Variants in ESCO1 observed in about 807,000 individuals in gnomAD.
The protein encoded by ESCO1 is establishment of sister chromatid cohesion N-acetyltransferase 1.
Under a neutral mutation model 83.5 loss-of-function variants are expected in ESCO1, and 33 were observed. That is an observed-to-expected ratio of 0.40 (90% CI 0.30 to 0.53). The LOEUF is 0.53. Ranked by LOEUF, ESCO1 falls within the 20% of genes least tolerant of loss-of-function variation. The probability of loss-of-function intolerance (pLI) is 0.63; values close to 1 mark genes in which losing one functional copy is unlikely to be tolerated. For synonymous variants in ESCO1, 332 were observed against 324.3 expected (o/e 1.02, Z -0.25); for missense variants, 855 against 968.0 (o/e 0.88, Z 1.55).
chr18:21,579,786 G>GCGCGCA (rs1414600536), intron 2 of ESCO1, among the ~76,000 whole-genome samples: 1 of 25,744 alleles, frequency 3.9e-5, no homozygotes, highest in African/African-American at 7.9e-5. Context: ...ACACACACAC[G>GCGCGCA]CGCGCGCGCA....
At chr18:21,553,082 G>A (rs1286179973) in intron 8 of ESCO1, among the ~76,000 whole-genome samples, 1 of 152,164 alleles carries the variant, frequency 6.6e-6, no homozygotes, top group East Asian at 1.9e-4. Flanking sequence ...TTGAGCTCAG[G>A]AGTTTGTGAC....
chr18:21,553,944 A>G (rs182701939), intron 8 of ESCO1, among the ~76,000 whole-genome samples: 1 of 151,980 alleles, frequency 6.6e-6, no homozygotes, highest in Non-Finnish European at 1.5e-5. Context: ...ATAAGAAAAC[A>G]GCCTGATTGA....
intron 1 of ESCO1, among the ~76,000 whole-genome samples, chr18:21,593,747 C>G (rs1229378558): frequency 6.6e-6 from 1 of 151,714 alleles, no homozygotes; most frequent in Non-Finnish European, 1.5e-5. Flanking sequence ...AAATCTGAGT[C>G]TAGTGGCTTG....
intron 1 of ESCO1, among the ~76,000 whole-genome samples, chr18:21,588,895 A>T (rs2038620737): frequency 6.6e-6 from 1 of 151,956 alleles, no homozygotes; most frequent in Admixed American, 6.6e-5. Context: ...TGTGTCAAAT[A>T]AATAAATAAA....
chr18:21,590,226 CT>C (rs1182731940), intron 1 of ESCO1, among the ~76,000 whole-genome samples: 275 of 143,256 alleles, frequency 1.9e-3, no homozygotes, highest in Middle Eastern at 3.7e-3. Flanking sequence ...AACCCTTTTT[CT>C]TTTTTTTTTT....
intron 1 of ESCO1, among the ~76,000 whole-genome samples, chr18:21,594,320 G>A (rs921827266): frequency 6.6e-6 from 1 of 152,208 alleles, no homozygotes; most frequent in African/African-American, 2.4e-5. Flanking sequence ...GTAAGAGCTG[G>A]TGAATTGTTC....
At chr18:21,560,825 T>A (rs770896618) in intron 8 of ESCO1, 34 bp downstream of exon 8, 1 of 1,590,778 alleles carries the variant, frequency 6.3e-7, no homozygotes, top group South Asian at 1.2e-5. Context: ...AATTATCTGA[T>A]TTTTGCATTT....
intron 2 of ESCO1, among the ~76,000 whole-genome samples, chr18:21,578,858 T>C (rs1488293483): frequency 6.6e-6 from 1 of 151,820 alleles, no homozygotes; most frequent in Non-Finnish European, 1.5e-5. Flanking sequence ...CCACCACGCC[T>C]GGCTATTTTT....
Position 21,574,486 on chromosome 18 carries a change from G to A in ESCO1, c.358C>T (p.Arg120Trp), listed in dbSNP as rs746057312. 96 of 1,614,020 alleles carry A rather than the reference G, an allele frequency of 5.9e-5. No individual in the cohort carries two copies. The highest frequency in any genetic ancestry group is 1.5e-4 in the South Asian group (14 of 91,062). The change falls in exon 4 of 12, where the codon CGG becomes TGG. Residue 120 changes from arginine (R) to tryptophan (W), a missense_variant. Arg to Trp is a moderately radical substitution (Grantham distance 101, BLOSUM62 -3). Coordinates refer to ENST00000269214, the MANE Select transcript of ESCO1 (RefSeq NM_052911.3). ...ENPKANEQLNRRSQRLQQLTE... is the reference protein window; with the variant it reads ...ENPKANEQLNWRSQRLQQLTE... ...AATTGTTGTAGCCTTTGTGATCTCC[G>A]GTTAAGCTGTTCATTTGCTTTAGGG...
chr18:21,591,177 T>A (rs1286522286), intron 1 of ESCO1, among the ~76,000 whole-genome samples: 1 of 152,146 alleles, frequency 6.6e-6, no homozygotes, highest in East Asian at 1.9e-4. Flanking sequence ...CTAAATCCAA[T>A]AACAAATATC....
chr18:21,559,723 C>A (rs2038158580), intron 8 of ESCO1, among the ~76,000 whole-genome samples: 1 of 152,066 alleles, frequency 6.6e-6, no homozygotes, highest in Admixed American at 6.6e-5. Context: ...TTAACATAGT[C>A]AAATTGAAAA....
chr18:21,559,475 T>C (rs988068089), intron 8 of ESCO1, among the ~76,000 whole-genome samples: 1 of 152,242 alleles, frequency 6.6e-6, no homozygotes, highest in Non-Finnish European at 1.5e-5. Flanking sequence ...ACTTTTCCTC[T>C]CAGAAATTAA....
At chr18:21,549,241 T>C (rs1319806020) in intron 8 of ESCO1, among the ~76,000 whole-genome samples, 1 of 152,202 alleles carries the variant, frequency 6.6e-6, no homozygotes, top group Admixed American at 6.5e-5. Flanking sequence ...GCTTTGAACC[T>C]GAATATGGTA....
chr18:21,561,047 A>C lies in ESCO1; in HGVS notation c.1822-57T>G. 4 of 1,536,454 alleles carry C rather than the reference A, an allele frequency of 2.6e-6. No homozygotes were observed. The South Asian group carries it at 5.1e-5, about 20-fold the overall frequency. ...CCTCCCAAAAGAATTATTTCAGAAT[A>C]TCAGCCTCTAAGGCTATAGTGTGAG... On this transcript the variant is annotated intron_variant, in intron 7 of 11. Coordinates refer to ENST00000269214, the MANE Select transcript of ESCO1 (RefSeq NM_052911.3).
intron 8 of ESCO1, among the ~76,000 whole-genome samples, chr18:21,543,892 G>A (rs2146178289): frequency 6.6e-6 from 1 of 152,166 alleles, no homozygotes; most frequent in East Asian, 1.9e-4. Flanking sequence ...GGGAAGCTTT[G>A]AACTCTGATA....
In ESCO1 at chr18:21,560,951, C is replaced by T; in HGVS notation, c.1861G>A (p.Val621Ile). Residue 621 changes from valine (V) to isoleucine (I), a missense_variant, in exon 8 of 12, where the codon GTT (valine) becomes ATT (isoleucine). Transcript: ENST00000269214. ...GAAGCTGTATACAGCATTCCACAAA[C>T]ATTACAAGAAACTGCTCCAAATCTT... ...QKRFGAVSCN[V>I]CGMLYTASNP... The T allele has an allele frequency of 2.5e-6, 4 of 1,601,382 alleles. No homozygotes were observed. Among genetic ancestry groups the T allele is most frequent in the Non-Finnish European group, 3.4e-6 (4 of 1,175,562 alleles).
At chr18:21,543,277 C>A (rs1257134593) in intron 8 of ESCO1, among the ~76,000 whole-genome samples, 1 of 152,190 alleles carries the variant, frequency 6.6e-6, no homozygotes, top group Non-Finnish European at 1.5e-5. Context: ...GCCTCAGCCT[C>A]CCGAGTAGTT....
At chr18:21,543,207 T>C (rs757915714) in intron 8 of ESCO1, among the ~76,000 whole-genome samples, 3 of 152,160 alleles carry the variant, frequency 2.0e-5, no homozygotes, top group Non-Finnish European at 4.4e-5. Context: ...CAGGCTGGAG[T>C]GCAATGGCGC....
chr18:21,559,291 G>A (rs763670229), intron 8 of ESCO1, among the ~76,000 whole-genome samples: 13 of 152,200 alleles, frequency 8.5e-5, no homozygotes, highest in Non-Finnish European at 1.9e-4. Flanking sequence ...GGGGGGGTTG[G>A]AGGAGGGGTC....
Sources: allele counts gnomAD v4.1 joint callset (sites outside exome capture counted in the v4.1 genomes callset), GRCh38; gene constraint gnomAD v4.1.1; transcripts MANE v1.5; gene names NCBI Gene and HGNC (gene_info 2026-07-23, HGNC 2026-07-21).